The following PACSIN2 variants were observed in gnomAD, a reference collection of about 807,000 sequenced individuals.
PACSIN2 encodes protein kinase C and casein kinase substrate in neurons 2, also known as protein kinase C and casein kinase substrate in neurons protein 2.
In PACSIN2, 25 loss-of-function variants were observed where a neutral mutation model predicts 63.8. The observed-to-expected ratio is 0.39, with a 90% confidence interval of 0.29 to 0.55. The LOEUF is 0.55. Among genes scored for constraint, PACSIN2 ranks in the 20% least tolerant of loss-of-function variants. The pLI is 0.62. For missense variants in PACSIN2, 518 were observed against 646.9 expected (o/e 0.80, Z 2.16); for synonymous variants, 255 against 256.2 (o/e 1.00, Z 0.05).
In PACSIN2 at chr22:42,876,399, C is replaced by A. The variant is rs1026176141; in HGVS notation, c.1152-66G>T. 42 of 1,421,822 alleles carry A rather than the reference C, an allele frequency of 3.0e-5. No homozygotes were observed. In the African/African-American group the frequency reaches 5.1e-4, roughly 17 times the overall value. 88.1% of individuals were successfully genotyped at this position (1,421,822 alleles called of 1,614,324 possible). ...GGCAGAGGGTGTGAGGCCCCCGCCCCGCAAGGGGAGGGCACTGGAGCCTTG... is the reference window on the plus strand; with the variant it reads ...GGCAGAGGGTGTGAGGCCCCCGCCCAGCAAGGGGAGGGCACTGGAGCCTTG... On this transcript the variant is annotated intron_variant, in intron 9 of 10. Coordinates refer to ENST00000263246, the MANE Select transcript of PACSIN2 (RefSeq NM_001184970.3).
intron 1 of PACSIN2, among the ~76,000 whole-genome samples, chr22:42,964,111 C>T (rs1440168161): frequency 1.3e-5 from 2 of 152,198 alleles, no homozygotes; most frequent in African/African-American, 4.8e-5. Context: ...CCGCGGCAGT[C>T]ATTGTGTTTT....
At chr22:42,996,695 CAG>C (rs565782704) in intron 1 of PACSIN2, among the ~76,000 whole-genome samples, 2 of 152,014 alleles carry the variant, frequency 1.3e-5, no homozygotes, top group East Asian at 1.9e-4. Flanking sequence ...CTGTCTCAAT[CAG>C]GGGGAAAAAA....
intron 1 of PACSIN2, among the ~76,000 whole-genome samples, chr22:42,970,543 T>TTAA (rs1921177442): frequency 6.6e-6 from 1 of 152,258 alleles, no homozygotes; most frequent in Non-Finnish European, 1.5e-5. Context: ...AGGAACTCTA[T>TTAA]TAGTTTTGCA....
chr22:42,933,943 C>A (rs950782182), intron 1 of PACSIN2, among the ~76,000 whole-genome samples: 1 of 152,218 alleles, frequency 6.6e-6, no homozygotes, highest in Admixed American at 6.5e-5. Flanking sequence ...CTCCAGTTCA[C>A]AGAACTGTTT....
chr22:42,880,346 T>C (rs566369640), intron 7 of PACSIN2, among the ~76,000 whole-genome samples: 62 of 152,330 alleles, frequency 4.1e-4, no homozygotes, highest in Non-Finnish European at 7.6e-4. Flanking sequence ...CTGACCAAAA[T>C]AGATTGACTG....
chr22:42,980,058 A>T (rs549010181), intron 1 of PACSIN2, among the ~76,000 whole-genome samples: 24 of 152,298 alleles, frequency 1.6e-4, no homozygotes, highest in African/African-American at 5.5e-4. Context: ...TTTCTATTAA[A>T]ACAAGTTGTT....
intron 3 of PACSIN2, among the ~76,000 whole-genome samples, 169 bp downstream of exon 3, chr22:42,893,288 C>A (rs147151318): frequency 6.6e-6 from 1 of 152,194 alleles, no homozygotes; most frequent in East Asian, 1.9e-4. Context: ...TGGTGATGGG[C>A]GCTAATGCTC....
At chr22:43,007,306 C>CCCAG (rs1171619342) in intron 1 of PACSIN2, among the ~76,000 whole-genome samples, 1 of 151,792 alleles carries the variant, frequency 6.6e-6, no homozygotes, top group Non-Finnish European at 1.5e-5. Context: ...AATCTCTGCC[C>CCCAG]CCAGGTTCAA....
intron 1 of PACSIN2, among the ~76,000 whole-genome samples, chr22:43,014,077 A>G (rs1417936576): frequency 6.6e-6 from 1 of 152,166 alleles, no homozygotes; most frequent in Admixed American, 6.5e-5. Flanking sequence ...ACCTTCTCTG[A>G]TGGAGCCGAA....
Position 42,907,805 on chromosome 22 carries a change from G to C in PACSIN2, c.60+4216C>G, listed in dbSNP as rs147256653. On this transcript the variant is annotated intron_variant, in intron 2 of 10. Transcript: ENST00000263246. ...GCCCAGGACTTAGCCCAGGGCCCGGGTCATGGCAGCTTCTAAATATGTGTC... is the reference window on the plus strand; with the variant it reads ...GCCCAGGACTTAGCCCAGGGCCCGGCTCATGGCAGCTTCTAAATATGTGTC... Among the ~76,000 whole-genome samples the C allele has an allele frequency of 5.2e-5, 8 of 152,392 alleles. No homozygotes were observed. In the East Asian group the frequency reaches 1.5e-3, roughly 29 times the overall value.
Position 42,917,521 on chromosome 22 carries a change from G to A in PACSIN2, c.-77-5364C>T, listed in dbSNP as rs147465600. 8.9e-3 allele frequency among the ~76,000 whole-genome samples: 1,359 copies of A among 152,116 alleles called. 18 individuals carry two copies. The highest frequency in any genetic ancestry group is 0.031 in the African/African-American group (1,301 of 41,482). On this transcript the variant is annotated intron_variant, in intron 1 of 10. Transcript: ENST00000263246. ...TCCCAGCTACTCAGGAGGCTGAGGC[G>A]AGAGGATTGCTTGAGCCCAGTAGGT...
intron 8 of PACSIN2, among the ~76,000 whole-genome samples, chr22:42,877,789 G>C (rs1235216411): frequency 1.3e-5 from 2 of 152,186 alleles, no homozygotes; most frequent in Non-Finnish European, 2.9e-5. Flanking sequence ...ACCCCACCAA[G>C]TAACTGATCC....
intron 2 of PACSIN2, among the ~76,000 whole-genome samples, chr22:42,900,244 G>A (rs902989547): frequency 6.6e-6 from 1 of 152,148 alleles, no homozygotes; most frequent in Non-Finnish European, 1.5e-5. Flanking sequence ...TGCCCTTCGG[G>A]TCACAGCTCG....
At chr22:42,965,381 G>A (rs1300418083) in intron 1 of PACSIN2, among the ~76,000 whole-genome samples, 2 of 152,160 alleles carry the variant, frequency 1.3e-5, no homozygotes, top group African/African-American at 4.8e-5. Context: ...GCTCCTAAAA[G>A]GATGCATTCA....
chr22:42,914,297 A>G (rs1161966611), intron 1 of PACSIN2, among the ~76,000 whole-genome samples: 3 of 152,114 alleles, frequency 2.0e-5, no homozygotes, highest in African/African-American at 7.2e-5. Context: ...CAGTAGTGCA[A>G]TCTCAGCTCA....
intron 2 of PACSIN2, among the ~76,000 whole-genome samples, chr22:42,911,321 G>A (rs1931441085): frequency 6.6e-6 from 1 of 151,246 alleles, no homozygotes; most frequent in East Asian, 1.9e-4. Context: ...GAGGTGGGAG[G>A]ATGGCTTGAG....
chr22:43,013,084 G>A (rs1395070578), intron 1 of PACSIN2, among the ~76,000 whole-genome samples: 4 of 152,170 alleles, frequency 2.6e-5, no homozygotes, highest in Non-Finnish European at 5.9e-5. Context: ...GAGCCACCCC[G>A]CCCAGCCTAG....
intron 7 of PACSIN2, 122 bp downstream of exon 7, chr22:42,882,062 C>A: frequency 8.4e-7 from 1 of 1,184,938 alleles, no homozygotes; most frequent in Non-Finnish European, 1.2e-6. Flanking sequence ...TGCCTAAAGG[C>A]TGCCTGATAA....
chr22:42,949,381 A>G (rs1421110152), intron 1 of PACSIN2, among the ~76,000 whole-genome samples: 2 of 152,106 alleles, frequency 1.3e-5, no homozygotes, highest in Non-Finnish European at 2.9e-5. Flanking sequence ...GGACTTACAC[A>G]CCCATTCTCA....
Sources: allele counts gnomAD v4.1 joint callset (sites outside exome capture counted in the v4.1 genomes callset), GRCh38; gene constraint gnomAD v4.1.1; transcripts MANE v1.5; gene names NCBI Gene and HGNC (gene_info 2026-07-23, HGNC 2026-07-21).